The following NLGN1 variants were observed in gnomAD, a reference collection of about 807,000 sequenced individuals.
The protein encoded by NLGN1 is neuroligin 1, also known as neuroligin-1.
NLGN1 carries 12 observed loss-of-function variants against 65.5 expected under a neutral mutation model. That is an observed-to-expected ratio of 0.18 (90% CI 0.12 to 0.30). The LOEUF is 0.30. Among genes scored for constraint, NLGN1 ranks in the 10% least tolerant of loss-of-function variants. The pLI, the probability that NLGN1 is intolerant of heterozygous loss-of-function variation, is 1.00. For synonymous variants in NLGN1, 350 were observed against 359.5 expected (o/e 0.97, Z 0.30); for missense variants, 750 against 1,007.1 (o/e 0.74, Z 3.46).
At chr3:173,684,064 ATAT>A (rs1201340709) in intron 3 of NLGN1, among the ~76,000 whole-genome samples, 1 of 152,110 alleles carries the variant, frequency 6.6e-6, no homozygotes, top group Non-Finnish European at 1.5e-5. Context: ...AAACAAAAGT[ATAT>A]TGTTATTATT....
chr3:173,664,707 T>C (rs1761453835), intron 3 of NLGN1, among the ~76,000 whole-genome samples: 1 of 152,124 alleles, frequency 6.6e-6, no homozygotes, highest in African/African-American at 2.4e-5. Flanking sequence ...TATTATGCCT[T>C]ATGTGTTATT....
At chr3:173,431,615 A>C (rs1398049370) in intron 1 of NLGN1, among the ~76,000 whole-genome samples, 1 of 152,164 alleles carries the variant, frequency 6.6e-6, no homozygotes, top group Admixed American at 6.5e-5. Context: ...GAAGATGCAG[A>C]GATTTCCCAT....
At position 174,155,001 on chromosome 3, in the gene NLGN1, T is replaced by TAATATATAA. The variant is rs1561175507; in HGVS notation, c.647-120314_647-120313insAATATATAA. ...TATATTATATTATATATTATATATATTTATATATTGATATAAATATATAAA... is the reference window on the plus strand; with the variant it reads ...TATATTATATTATATATTATATATATAATATATAATTATATATTGATATAAATATATAAA... On this transcript the variant is annotated intron_variant, in intron 4 of 6. Transcript: ENST00000457714. Among the ~76,000 whole-genome samples the TAATATATAA allele has an allele frequency of 4.7e-3, 353 of 75,884 alleles. 6 individuals carry two copies. In the East Asian group the frequency reaches 0.066, roughly 14 times the overall value. The allele number at this position is 75,884 out of a possible 152,430, so 49.8% of individuals were successfully genotyped here. A position where few individuals can be genotyped will look rare whatever the true frequency, so the allele number is the denominator to read the frequency against.
At chr3:173,731,711 A>G (rs980269884) in intron 3 of NLGN1, among the ~76,000 whole-genome samples, 4 of 152,082 alleles carry the variant, frequency 2.6e-5, no homozygotes, top group African/African-American at 4.8e-5. Context: ...AAAGAAAAAT[A>G]CAAATTCTGT....
chr3:174,109,448 A>G (rs1714708376), intron 4 of NLGN1, among the ~76,000 whole-genome samples: 2 of 151,906 alleles, frequency 1.3e-5, no homozygotes, highest in Admixed American at 1.3e-4. Flanking sequence ...TTTATTCTCT[A>G]TTCCTCACTT....
chr3:173,874,476 C>T (rs375137454), intron 4 of NLGN1, among the ~76,000 whole-genome samples: 1 of 152,266 alleles, frequency 6.6e-6, no homozygotes, highest in East Asian at 1.9e-4. Flanking sequence ...TGAATAATAA[C>T]ATCTAGCAAG....
chr3:173,470,456 A>G (rs1305554368), intron 2 of NLGN1, among the ~76,000 whole-genome samples: 1 of 151,918 alleles, frequency 6.6e-6, no homozygotes, highest in Non-Finnish European at 1.5e-5. Context: ...CCCTGACCTC[A>G]TCCTTTATCC....
intron 4 of NLGN1, among the ~76,000 whole-genome samples, chr3:173,883,622 A>G (rs896256150): frequency 6.6e-6 from 1 of 152,144 alleles, no homozygotes; most frequent in Non-Finnish European, 1.5e-5. Context: ...ATAGTGTGCA[A>G]TAAAGTATGC....
chr3:173,461,137 T>C (rs1723304236), intron 2 of NLGN1, among the ~76,000 whole-genome samples: 1 of 152,110 alleles, frequency 6.6e-6, no homozygotes, highest in Non-Finnish European at 1.5e-5. Context: ...TTAACACCTA[T>C]ATGAGCCTTG....
intron 1 of NLGN1, among the ~76,000 whole-genome samples, chr3:173,400,858 G>C (rs889447613): frequency 2.0e-5 from 3 of 152,134 alleles, no homozygotes; most frequent in Non-Finnish European, 4.4e-5. Flanking sequence ...AAATATATTT[G>C]GCTATGAAGT....
intron 2 of NLGN1, among the ~76,000 whole-genome samples, chr3:173,577,732 CT>C (rs1389552736): frequency 6.6e-6 from 1 of 152,130 alleles, no homozygotes; most frequent in Non-Finnish European, 1.5e-5. Flanking sequence ...CAAAAACAAA[CT>C]CTAAAACCAA....
At chr3:173,915,739 G>A (rs1427341849) in intron 4 of NLGN1, among the ~76,000 whole-genome samples, 10 of 152,248 alleles carry the variant, frequency 6.6e-5, no homozygotes, top group Non-Finnish European at 1.5e-4. Flanking sequence ...AATCGTTCTT[G>A]TCATGGGCTA....
chr3:173,450,352 G>A (rs144299538), intron 2 of NLGN1, among the ~76,000 whole-genome samples: 2,693 of 152,226 alleles, frequency 0.018, 91 homozygotes, highest in African/African-American at 0.059. Flanking sequence ...GAAATTCTGG[G>A]TTGAAAATTC....
intron 4 of NLGN1, among the ~76,000 whole-genome samples, chr3:174,213,459 A>T (rs2152796824): frequency 6.6e-6 from 1 of 152,344 alleles, no homozygotes; most frequent in East Asian, 1.9e-4. Flanking sequence ...AGAGATGTAT[A>T]ATCAATCAAA....
At position 174,120,609 on chromosome 3, in the gene NLGN1, A is replaced by G. The variant is rs143068904; in HGVS notation, c.647-154706A>G. The stretch of plus-strand genomic sequence containing the variant: ...GACTCATAAAAAATATTTACCAGTG[A>G]CCCACTTTGACTTCTTAAAGAGTTT... On this transcript the variant is annotated intron_variant, in intron 4 of 6. Transcript: ENST00000457714. Among the ~76,000 whole-genome samples the G allele has an allele frequency of 3.2e-4, 49 of 152,330 alleles. 1 individual carries two copies. The highest frequency in any genetic ancestry group is 9.6e-4 in the African/African-American group (40 of 41,576).
At chr3:173,633,134 A>AAGG (rs1389865790) in intron 3 of NLGN1, among the ~76,000 whole-genome samples, 1 of 152,138 alleles carries the variant, frequency 6.6e-6, no homozygotes, top group Non-Finnish European at 1.5e-5. Flanking sequence ...TGTTTGGGAC[A>AAGG]AGGAGACTTT....
At chr3:174,109,621 A>G (rs1184385445) in intron 4 of NLGN1, among the ~76,000 whole-genome samples, 2 of 152,082 alleles carry the variant, frequency 1.3e-5, no homozygotes, top group Non-Finnish European at 2.9e-5. Context: ...AGAAATTAAC[A>G]TATTAAATGT....
At chr3:173,985,804 G>T (rs890200113) in intron 4 of NLGN1, among the ~76,000 whole-genome samples, 43 of 152,016 alleles carry the variant, frequency 2.8e-4, no homozygotes, top group African/African-American at 8.2e-4. Context: ...ACAAAAATTA[G>T]CTGGGCTTGG....
At chr3:173,893,692 A>G (rs1735784364) in intron 4 of NLGN1, among the ~76,000 whole-genome samples, 1 of 152,172 alleles carries the variant, frequency 6.6e-6, no homozygotes. Flanking sequence ...TTATTATTGC[A>G]TGGGCTCCTA....
Sources: gnomAD v4.1 joint callset for allele counts (sites outside exome capture counted in the v4.1 genomes callset) on GRCh38, gnomAD v4.1.1 for gene constraint, MANE v1.5 for transcripts, NCBI Gene and HGNC (gene_info 2026-07-23, HGNC 2026-07-21) for gene names.